The following CACNA2D3 variants were observed in gnomAD, a reference collection of about 807,000 sequenced individuals.
CACNA2D3 encodes the protein calcium voltage-gated channel auxiliary subunit alpha2delta 3.
In CACNA2D3, 60 loss-of-function variants were observed where a neutral mutation model predicts 160.6. That is an observed-to-expected ratio of 0.37 (90% CI 0.30 to 0.46). CACNA2D3 has a LOEUF of 0.46. Ranked by LOEUF, CACNA2D3 falls within the 20% of genes least tolerant of loss-of-function variation. The pLI is 1.00. For missense variants in CACNA2D3, 1,205 were observed against 1,365.0 expected, an observed-to-expected ratio of 0.88 and a Z score of 1.85; for synonymous variants, 558 against 492.9, an observed-to-expected ratio of 1.13 and a Z score of -1.75.
chr3:54,899,887 C>G lies in CACNA2D3; in HGVS notation c.2449+19C>G. 1 of 1,550,666 alleles carries G rather than the reference C, an allele frequency of 6.4e-7. No homozygotes were observed. On this transcript the variant is annotated intron_variant, in intron 27 of 37. Coordinates refer to ENST00000474759, the MANE Select transcript of CACNA2D3 (RefSeq NM_018398.3). ...GTGGCAGGTAAATAATTGATTGAAT[C>G]CATGAAGACAAAGTAAGCATGGCGC...
chr3:54,246,845 A>G (rs2107416444), intron 2 of CACNA2D3, among the ~76,000 whole-genome samples: 1 of 152,332 alleles, frequency 6.6e-6, no homozygotes, highest in South Asian at 2.1e-4. Context: ...AGCTGCTATG[A>G]ACCAGCTTTG....
chr3:54,465,471 A>T (rs2106857746), intron 4 of CACNA2D3, among the ~76,000 whole-genome samples: 1 of 152,306 alleles, frequency 6.6e-6, no homozygotes, highest in Non-Finnish European at 1.5e-5. Context: ...GTGTAGGAAA[A>T]AACATAGTGT....
chr3:54,892,377 G>A (rs1187819172), intron 25 of CACNA2D3, among the ~76,000 whole-genome samples: 2 of 151,998 alleles, frequency 1.3e-5, no homozygotes, highest in Non-Finnish European at 2.9e-5. Flanking sequence ...CCAAGGAGGC[G>A]GTGCTTCCTT....
chr3:54,950,335 A>G (rs181367951), intron 27 of CACNA2D3, among the ~76,000 whole-genome samples: 12 of 152,314 alleles, frequency 7.9e-5, no homozygotes, highest in Non-Finnish European at 1.8e-4. Flanking sequence ...AGATGCAGCC[A>G]CTACAAAGGC....
At chr3:54,493,283 T>G (rs7374990) in intron 4 of CACNA2D3, among the ~76,000 whole-genome samples, 1 of 151,964 alleles carries the variant, frequency 6.6e-6, no homozygotes, top group Non-Finnish European at 1.5e-5. Flanking sequence ...CACTGTGTTG[T>G]CCAGGCTGGT....
chr3:54,872,849 T>C (rs770048215), intron 18 of CACNA2D3, among the ~76,000 whole-genome samples: 16 of 152,174 alleles, frequency 1.1e-4, no homozygotes, highest in Non-Finnish European at 1.6e-4. Context: ...GCTGACATAG[T>C]GTCAGCTCAA....
intron 2 of CACNA2D3, among the ~76,000 whole-genome samples, chr3:54,240,990 C>T (rs1701964705): frequency 6.6e-6 from 1 of 152,138 alleles, no homozygotes. Flanking sequence ...ATCCACTCAC[C>T]TCAGCCTCTC....
intron 11 of CACNA2D3, among the ~76,000 whole-genome samples, chr3:54,693,464 G>A (rs574192756): frequency 6.6e-6 from 1 of 152,278 alleles, no homozygotes; most frequent in East Asian, 1.9e-4. Context: ...ACACAATTAT[G>A]TACAGTACAA....
intron 35 of CACNA2D3, among the ~76,000 whole-genome samples, chr3:55,038,425 T>C (rs1703877428): frequency 6.6e-6 from 1 of 152,156 alleles, no homozygotes; most frequent in South Asian, 2.1e-4. Context: ...CATATCAATA[T>C]ATGAACATGC....
At chr3:55,024,794 A>T (rs555147669) in intron 35 of CACNA2D3, among the ~76,000 whole-genome samples, 13 of 152,362 alleles carry the variant, frequency 8.5e-5, no homozygotes, top group Admixed American at 7.8e-4. Context: ...TGAAATGTGA[A>T]TATTTCTTTC....
intron 12 of CACNA2D3, among the ~76,000 whole-genome samples, chr3:54,763,663 G>A (rs1702129481): frequency 6.9e-6 from 1 of 145,024 alleles, no homozygotes; most frequent in Non-Finnish European, 1.5e-5. Flanking sequence ...ATGTGTGTGT[G>A]TGTGTGTATA....
intron 2 of CACNA2D3, among the ~76,000 whole-genome samples, chr3:54,139,780 A>G (rs1023791377): frequency 9.9e-5 from 15 of 152,218 alleles, no homozygotes; most frequent in African/African-American, 3.4e-4. Context: ...CATTCATTCA[A>G]CAAGTGTGGT....
At chr3:54,777,211 C>T (rs1167431676) in intron 13 of CACNA2D3, among the ~76,000 whole-genome samples, 1 of 152,156 alleles carries the variant, frequency 6.6e-6, no homozygotes, top group Non-Finnish European at 1.5e-5. Flanking sequence ...GAGGCCATGG[C>T]ACAAAGACAC....
intron 2 of CACNA2D3, among the ~76,000 whole-genome samples, chr3:54,228,415 A>G (rs1220334479): frequency 6.6e-6 from 1 of 152,254 alleles, no homozygotes; most frequent in Non-Finnish European, 1.5e-5. Context: ...ATTACACAGA[A>G]TGCATATGAA....
chr3:54,865,533 T>C (rs1559609195), intron 17 of CACNA2D3, among the ~76,000 whole-genome samples: 1 of 152,256 alleles, frequency 6.6e-6, no homozygotes, highest in Non-Finnish European at 1.5e-5. Flanking sequence ...GATGTGCAGC[T>C]GGCAACATGG....
chr3:54,168,996 A>G (rs1238439029), intron 2 of CACNA2D3, among the ~76,000 whole-genome samples: 1 of 152,198 alleles, frequency 6.6e-6, no homozygotes, highest in Non-Finnish European at 1.5e-5. Context: ...TATGGTGCTC[A>G]AAACGGTGAG....
Position 54,969,830 on chromosome 3 carries a change from A to C in CACNA2D3, c.2542A>C (p.Ser848Arg). The C allele has an allele frequency of 1.2e-6, 2 of 1,613,442 alleles. No individual in the cohort carries two copies. Among genetic ancestry groups the C allele is most frequent in the Non-Finnish European group, 1.7e-6 (2 of 1,179,618 alleles). ...TTCCCTGGATGGCAAATGCTCCATC[A>C]GCTGTGATGATGAGGTAAGACGGCC... ...CASLDGKCSISCDDETVNCYL... is the reference protein window; with the variant it reads ...CASLDGKCSIRCDDETVNCYL... Residue 848 changes from serine to arginine, a missense_variant, in exon 29 of 38, where the codon AGC becomes CGC. Physicochemically the swap from Ser to Arg is moderately radical, Grantham distance 110 (BLOSUM62 -1). Around this residue, in one of 3 missense-constraint regions of CACNA2D3, gnomAD observed 911 missense variants for 1,002.2 expected, o/e 0.91. Coordinates refer to ENST00000474759, the MANE Select transcript of CACNA2D3 (RefSeq NM_018398.3).
At chr3:54,465,014 G>T (rs1041345839) in intron 4 of CACNA2D3, among the ~76,000 whole-genome samples, 1 of 151,930 alleles carries the variant, frequency 6.6e-6, no homozygotes, top group African/African-American at 2.4e-5. Flanking sequence ...CATAAGTCCT[G>T]TAGGCTTTCT....
intron 27 of CACNA2D3, among the ~76,000 whole-genome samples, chr3:54,909,643 A>ATTTTT (rs759615370): frequency 2.4e-5 from 3 of 123,856 alleles, no homozygotes; most frequent in African/African-American, 8.9e-5. Flanking sequence ...TTTTTTTGTG[A>ATTTTT]TTTTTTTTTT....
Sources: gnomAD v4.1 joint callset for allele counts (sites outside exome capture counted in the v4.1 genomes callset) on GRCh38, gnomAD v4.1.1 for gene constraint, gnomAD v4.1.1 regional missense constraint, MANE v1.5 for transcripts, NCBI Gene and HGNC (gene_info 2026-07-23, HGNC 2026-07-21) for gene names.